DMXL1: variants seen among roughly 807,000 people sequenced by gnomAD.
The protein encoded by DMXL1 is Dmx like 1.
DMXL1 carries 99 observed loss-of-function variants against 319.2 expected under a neutral mutation model. That is an observed-to-expected ratio of 0.31 (90% CI 0.26 to 0.37). The LOEUF (loss-of-function observed/expected upper bound fraction) is 0.37, where lower values mean the gene tolerates loss of function less well. Ranked by LOEUF, DMXL1 falls within the 10% of genes least tolerant of loss-of-function variation. DMXL1 has a pLI of 1.00. For missense variants in DMXL1, 3,745 were observed against 3,595.6 expected (o/e 1.04, Z -1.06); for synonymous variants, 1,385 against 1,235.2 (o/e 1.12, Z -2.54).
In DMXL1 at chr5:119,149,008, T is replaced by G; in HGVS notation, c.3181T>G (p.Tyr1061Asp). 3.1e-6 allele frequency: 5 copies of G among 1,613,936 alleles called. No homozygotes were observed. The highest frequency in any genetic ancestry group is 4.2e-6 in the Non-Finnish European group (5 of 1,179,866). Residue 1061 changes from tyrosine (Y) to aspartate (D), a missense_variant, in exon 18 of 44, where the codon TAT becomes GAT. Tyr to Asp is a radical substitution (Grantham distance 160). This residue lies in a region of DMXL1 where 2,096 missense variants were observed against 1,985.4 expected (regional missense o/e 1.06). Coordinates refer to ENST00000539542, the MANE Select transcript of DMXL1 (RefSeq NM_001290321.3). Reference sequence around the variant, plus strand: ...ACATACAAATCGTTTAGCAGTAGCTTATAAGCAGCCTGCATCTAATAGTAG... The same window carrying G: ...ACATACAAATCGTTTAGCAGTAGCTGATAAGCAGCCTGCATCTAATAGTAG... ...CAHTNRLAVA[Y>D]KQPASNSRSS...
At chr5:119,195,453 A>T (rs971952302) in intron 30 of DMXL1, among the ~76,000 whole-genome samples, 2 of 152,230 alleles carry the variant, frequency 1.3e-5, no homozygotes, top group Non-Finnish European at 2.9e-5. Flanking sequence ...ACATGGATAT[A>T]ATGCTAAGTG....
At position 119,134,189 on chromosome 5, in the gene DMXL1, T is replaced by G; in HGVS notation, c.2254+11T>G. ...CCAGTTATTGTCTGGGTAAGTATTC[T>G]GGTTTTTATTACAGTAATTTAGATT... On this transcript the variant is annotated intron_variant, in intron 12 of 43. Coordinates refer to ENST00000539542, the MANE Select transcript of DMXL1 (RefSeq NM_001290321.3). 6.2e-7 allele frequency: 1 copy of G among 1,608,268 alleles called. No homozygotes were observed. The highest frequency in any genetic ancestry group is 8.5e-7 in the Non-Finnish European group (1 of 1,177,780).
chr5:119,118,763 T>G (rs1322662019), intron 7 of DMXL1, 52 bp from the exon 8 acceptor site: 5 of 1,373,882 alleles, frequency 3.6e-6, no homozygotes, highest in Non-Finnish European at 5.0e-6. Flanking sequence ...AGAATTTCTG[T>G]GATACTATGT....
intron 29 of DMXL1, among the ~76,000 whole-genome samples, chr5:119,192,584 G>A (rs776786388): frequency 6.6e-6 from 1 of 152,112 alleles, no homozygotes; most frequent in Non-Finnish European, 1.5e-5. Flanking sequence ...TGAGATTCAC[G>A]TGATATCCAT....
chr5:119,112,818 G>A (rs748044807), intron 5 of DMXL1, among the ~76,000 whole-genome samples: 9 of 152,028 alleles, frequency 5.9e-5, no homozygotes, highest in Non-Finnish European at 1.2e-4. Context: ...TTAGCCAGGC[G>A]TGGTGGTGCA....
At chr5:119,228,284 A>C (rs1785971438) in intron 38 of DMXL1, among the ~76,000 whole-genome samples, 1 of 152,222 alleles carries the variant, frequency 6.6e-6, no homozygotes, top group Non-Finnish European at 1.5e-5. Flanking sequence ...GATTATAGTT[A>C]CTTGCAGACA....
chr5:119,220,727 G>C (rs1034889392), intron 36 of DMXL1, 134 bp downstream of exon 36: 2 of 1,223,850 alleles, frequency 1.6e-6, no homozygotes, highest in South Asian at 1.6e-5. Flanking sequence ...TGCTAAATGA[G>C]GGGTGGCAAG....
intron 1 of DMXL1, among the ~76,000 whole-genome samples, chr5:119,079,141 C>T (rs1184900981): frequency 6.6e-6 from 1 of 152,206 alleles, no homozygotes; most frequent in Non-Finnish European, 1.5e-5. Flanking sequence ...CCAGTCTGCT[C>T]ATTTTTCCTT....
Position 119,148,935 on chromosome 5 carries a change from C to T in DMXL1, c.3108C>T (p.Ser1036=), listed in dbSNP as rs978017609. 1.9e-6 allele frequency: 3 copies of T among 1,613,836 alleles called. No individual in the cohort carries two copies. Among genetic ancestry groups the T allele is most frequent in the Non-Finnish European group, 2.5e-6 (3 of 1,179,808 alleles). ...TACTTATTGAAGATGGACTTCAGAGCAATAGTAGTATAACTGTACCTGGTA... is the reference window on the plus strand; with the variant it reads ...TACTTATTGAAGATGGACTTCAGAGTAATAGTAGTATAACTGTACCTGGTA... ...WPLLIEDGLQ[S]NSSITVPGRP... Residue 1036 remains serine (S), a synonymous_variant, in exon 18 of 44, where the codon AGC becomes AGT. Coordinates refer to ENST00000539542, the MANE Select transcript of DMXL1 (RefSeq NM_001290321.3).
In DMXL1 at chr5:119,071,248, TTCCTGGCCGGTGAGTCGGCCCCGGG is replaced by T. The variant is rs1354224296; in HGVS notation, c.-319_-295del. The T allele has an allele frequency of 2.1e-4, 72 of 350,636 alleles. No individual in the cohort carries two copies. The highest frequency in any genetic ancestry group is 4.2e-5 in the Non-Finnish European group (8 of 188,864). The allele number at this position is 350,636 out of a possible 1,614,324, so 21.7% of individuals were successfully genotyped here. A position where few individuals can be genotyped will look rare whatever the true frequency, so the allele number is the denominator to read the frequency against. On this transcript the variant is annotated 5_prime_UTR_variant, in exon 1 of 44. Coordinates refer to ENST00000539542, the MANE Select transcript of DMXL1 (RefSeq NM_001290321.3). ...GAGGAAGTGTGTGGACAGCGCGGCC[TTCCTGGCCGGTGAGTCGGCCCCGGG>T]TCGTGGCCGGTGAGGGGACCCTGAG...
chr5:119,118,756 A>G (rs1761396324), intron 7 of DMXL1, 59 bp from the exon 8 acceptor site: 1 of 1,310,282 alleles, frequency 7.6e-7, no homozygotes, highest in Non-Finnish European at 1.1e-6. Flanking sequence ...ACATCGTAGA[A>G]TTTCTGTGAT....
rs1220706560 is a variant in DMXL1 at position 119,179,561 on chromosome 5, T to G, written c.7135+1317T>G. Among the ~76,000 whole-genome samples the G allele has an allele frequency of 2.6e-5, 4 of 152,170 alleles. No homozygotes were observed. The East Asian group carries it at 7.7e-4, about 29-fold the overall frequency. On this transcript the variant is annotated intron_variant, in intron 28 of 43. Coordinates refer to ENST00000539542, the MANE Select transcript of DMXL1 (RefSeq NM_001290321.3). ...TTATTGCCAAAATCTTTACCATGAT[T>G]GATGAATATTCTTTGAATGAAGCTA...
rs1047389401 is a variant in DMXL1 at position 119,118,931 on chromosome 5, C to A, written c.860C>A (p.Thr287Asn). Residue 287 changes from threonine to asparagine, a missense_variant, in exon 8 of 44, where the codon ACT (threonine) becomes AAT (asparagine). Around this residue, in one of 4 missense-constraint regions of DMXL1, gnomAD observed 2,096 missense variants for 1,985.4 expected, o/e 1.06. Transcript: ENST00000539542. ...LLYGGDCSHW[T>N]ESINLTNNFK... ...TACGGAGGTGACTGCAGCCATTGGA[C>A]TGAATCAATTAATTTAACAAATAAC... 1 of 1,613,740 alleles carries A rather than the reference C, an allele frequency of 6.2e-7. No homozygotes were observed. Among genetic ancestry groups the A allele is most frequent in the East Asian group, 2.2e-5 (1 of 44,836 alleles).
In DMXL1 at chr5:119,221,003, A is replaced by T. The variant is rs1784555121; in HGVS notation, c.8199A>T (p.Pro2733=). ...TAACAGCTGTTCAAGGTACAACTCCATATACACATAGCAATCCTGGCACTC... is the reference window on the plus strand; with the variant it reads ...TAACAGCTGTTCAAGGTACAACTCCTTATACACATAGCAATCCTGGCACTC... ...DDLTAVQGTT[P]YTHSNPGTPI... is the part of the protein sequence containing the mutation. The change falls in exon 37 of 44, where the codon CCA becomes CCT. Residue 2733 remains proline, a synonymous_variant. Coordinates refer to ENST00000539542, the MANE Select transcript of DMXL1 (RefSeq NM_001290321.3). 2.5e-6 allele frequency: 4 copies of T among 1,613,968 alleles called. No homozygotes were observed. The African/African-American group carries it at 5.3e-5, about 22-fold the overall frequency.
chr5:119,121,262 C>CT (rs971636853), intron 9 of DMXL1, 123 bp downstream of exon 9: 4,315 of 633,958 alleles, frequency 6.8e-3, no homozygotes, highest in East Asian at 9.5e-3. Context: ...GCCTATTTTT[C>CT]TTTTTTTTTT....
chr5:119,238,890 A>G (rs888476314), intron 40 of DMXL1, 99 bp from the exon 41 acceptor site: 1 of 1,511,152 alleles, frequency 6.6e-7, no homozygotes, highest in Non-Finnish European at 8.9e-7. Flanking sequence ...AGGATTTAAG[A>G]AAGCCAGAAA....
chr5:119,201,700 A>G (rs772458937), intron 32 of DMXL1, among the ~76,000 whole-genome samples: 8 of 152,018 alleles, frequency 5.3e-5, no homozygotes, highest in African/African-American at 9.7e-5. Flanking sequence ...ATCTGGTTCT[A>G]TGCCTTTTTT....
chr5:119,193,992 A>G (rs756871199), intron 30 of DMXL1, 22 bp downstream of exon 30: 20 of 1,449,776 alleles, frequency 1.4e-5, no homozygotes, highest in Non-Finnish European at 1.8e-5. Flanking sequence ...TTTATTTTAA[A>G]TTTCTTTTTA....
intron 14 of DMXL1, 121 bp from the exon 15 acceptor site, chr5:119,144,415 T>C: frequency 1.4e-6 from 1 of 725,000 alleles, no homozygotes; most frequent in Non-Finnish European, 2.3e-6. Flanking sequence ...TACGTTCTGC[T>C]GAACTTTTGA....
Sources: gnomAD v4.1 joint callset for allele counts (sites outside exome capture counted in the v4.1 genomes callset) on GRCh38, gnomAD v4.1.1 for gene constraint, gnomAD v4.1.1 regional missense constraint, MANE v1.5 for transcripts, NCBI Gene and HGNC (gene_info 2026-07-23, HGNC 2026-07-21) for gene names.